The following EYS variants were observed in gnomAD, a reference collection of about 807,000 sequenced individuals.
EYS encodes the protein protein eyes shut homolog.
EYS carries 250 observed loss-of-function variants against 282.1 expected under a neutral mutation model. The observed-to-expected ratio is 0.89, with a 90% CI of 0.80 to 0.98. EYS has a LOEUF of 0.98. EYS is among the 50% of genes least tolerant of loss of function. EYS has a pLI of 0.00. For missense variants in EYS, 4,016 were observed against 3,709.0 expected (o/e 1.08, Z -2.15); for synonymous variants, 1,355 against 1,282.9 (o/e 1.06, Z -1.20).
intron 30 of EYS, among the ~76,000 whole-genome samples, chr6:64,255,537 AGT>A (rs1562274436): frequency 6.6e-6 from 1 of 152,094 alleles, no homozygotes; most frequent in African/African-American, 2.4e-5. Flanking sequence ...CCTTTAAAAA[AGT>A]TCAAGACATT....
chr6:64,248,716 C>G (rs1252705139), intron 30 of EYS, among the ~76,000 whole-genome samples: 1 of 152,106 alleles, frequency 6.6e-6, no homozygotes, highest in Admixed American at 6.6e-5. Flanking sequence ...TCCAATTCAA[C>G]AATCCTACTA....
intron 22 of EYS, among the ~76,000 whole-genome samples, chr6:64,641,616 A>T (rs112400896): frequency 1.1e-4 from 17 of 152,094 alleles, no homozygotes; most frequent in Non-Finnish European, 2.2e-4. Flanking sequence ...TGATTTCACT[A>T]ACAGTTTCCC....
intron 5 of EYS, among the ~76,000 whole-genome samples, chr6:65,469,143 C>A (rs1015012552): frequency 2.0e-5 from 3 of 151,924 alleles, no homozygotes; most frequent in Admixed American, 6.6e-5. Context: ...AATAATACAT[C>A]CATTCCTTTT....
At chr6:63,909,655 C>T (rs1003945921) in intron 35 of EYS, among the ~76,000 whole-genome samples, 1 of 152,214 alleles carries the variant, frequency 6.6e-6, no homozygotes. Flanking sequence ...TTCCCCACAT[C>T]CTCCTTGCAG....
rs73768419 is a variant in EYS, at chr6:64,791,335, T to C, written c.3443+22043A>G. 8.6e-3 allele frequency among the ~76,000 whole-genome samples: 1,304 copies of C among 151,812 alleles called. 28 individuals are homozygous for C. Among genetic ancestry groups the C allele is most frequent in the African/African-American group, 0.03 (1,239 of 41,498 alleles). On this transcript the variant is annotated intron_variant, in intron 22 of 42. Transcript: ENST00000503581. ...CACACACACACACATACACATACAT[T>C]AGGTGTTTGTTCATTAAGACCTAAA...
intron 12 of EYS, among the ~76,000 whole-genome samples, chr6:65,058,788 C>T (rs1457859653): frequency 7.1e-6 from 1 of 140,826 alleles, no homozygotes; most frequent in Non-Finnish European, 1.6e-5. Context: ...AAATCATAGC[C>T]TCAACTGACA....
At chr6:65,433,378 G>A (rs563904596) in intron 5 of EYS, among the ~76,000 whole-genome samples, 2 of 151,854 alleles carry the variant, frequency 1.3e-5, no homozygotes, top group Admixed American at 6.6e-5. Flanking sequence ...CATTCATTCC[G>A]GGTCTTAACA....
chr6:64,859,971 A>C (rs532459964), intron 19 of EYS, among the ~76,000 whole-genome samples: 1 of 152,214 alleles, frequency 6.6e-6, no homozygotes, highest in South Asian at 2.1e-4. Context: ...TGAAAACATT[A>C]ATCTCTCTCA....
chr6:64,157,063 G>A (rs1374026344), intron 31 of EYS, among the ~76,000 whole-genome samples: 2 of 100,606 alleles, frequency 2.0e-5, no homozygotes, highest in Admixed American at 1.5e-4. Context: ...CCCCACAGCA[G>A]TCCCCAGAGT....
At chr6:63,890,730 A>G in intron 35 of EYS, among the ~76,000 whole-genome samples, 1 of 152,240 alleles carries the variant, frequency 6.6e-6, no homozygotes, top group East Asian at 1.9e-4. Flanking sequence ...GCAGAAGACA[A>G]GAAATAACTA....
At chr6:64,263,182 T>C (rs1002476771) in intron 30 of EYS, among the ~76,000 whole-genome samples, 3 of 152,096 alleles carry the variant, frequency 2.0e-5, no homozygotes, top group African/African-American at 7.2e-5. Context: ...CAATAAATGT[T>C]AACTGTTATA....
intron 26 of EYS, among the ~76,000 whole-genome samples, chr6:64,513,629 T>A (rs529554667): frequency 6.6e-6 from 1 of 151,892 alleles, no homozygotes; most frequent in Admixed American, 6.6e-5. Flanking sequence ...AAAGAACGAC[T>A]TTAAATCATC....
chr6:64,707,567 G>A (rs981091913), intron 22 of EYS, among the ~76,000 whole-genome samples: 3 of 151,574 alleles, frequency 2.0e-5, no homozygotes, highest in Non-Finnish European at 2.9e-5. Context: ...TACTCCGGAG[G>A]CTGAGGCAGG....
chr6:64,472,643 G>A (rs759206236), intron 26 of EYS, among the ~76,000 whole-genome samples: 6 of 152,034 alleles, frequency 3.9e-5, no homozygotes, highest in Admixed American at 6.6e-5. Flanking sequence ...GAAAAACGAT[G>A]TATTACCTCA....
intron 10 of EYS, among the ~76,000 whole-genome samples, chr6:65,342,714 A>G (rs1405923105): frequency 6.6e-6 from 1 of 150,630 alleles, no homozygotes; most frequent in Non-Finnish European, 1.5e-5. Context: ...AAAAGTTGTT[A>G]AAGTTATATA....
intron 26 of EYS, among the ~76,000 whole-genome samples, chr6:64,535,220 TTAA>T (rs1394078914): frequency 6.6e-6 from 1 of 152,216 alleles, no homozygotes; most frequent in Non-Finnish European, 1.5e-5. Context: ...AAAATTCTTT[TTAA>T]GTCTGAGAAT....
intron 35 of EYS, among the ~76,000 whole-genome samples, chr6:63,891,903 G>C (rs1001625985): frequency 1.4e-4 from 21 of 152,152 alleles, no homozygotes; most frequent in African/African-American, 5.1e-4. Flanking sequence ...CAAAATCAAT[G>C]TGTAAAAATC....
At chr6:64,630,843 C>A (rs767259078) in intron 22 of EYS, among the ~76,000 whole-genome samples, 2 of 152,102 alleles carry the variant, frequency 1.3e-5, no homozygotes, top group Middle Eastern at 3.4e-3. Flanking sequence ...AATTTATAAC[C>A]CCATGTTTCA....
chr6:63,815,268 C>G (rs549665796), intron 36 of EYS, among the ~76,000 whole-genome samples: 2 of 152,256 alleles, frequency 1.3e-5, no homozygotes, highest in Non-Finnish European at 2.9e-5. Flanking sequence ...TACCTCATTC[C>G]TATCTTATAG....
Sources: allele counts gnomAD v4.1 joint callset (sites outside exome capture counted in the v4.1 genomes callset), GRCh38; gene constraint gnomAD v4.1.1; transcripts MANE v1.5; gene names NCBI Gene and HGNC (gene_info 2026-07-23, HGNC 2026-07-21).